Variants in INPP4B observed in about 807,000 individuals in gnomAD.
INPP4B encodes the protein inositol polyphosphate-4-phosphatase type II B.
Under a neutral mutation model 122.5 loss-of-function variants are expected in INPP4B, and 55 were observed. The observed-to-expected ratio is 0.45, with a 90% CI of 0.36 to 0.56. INPP4B has a LOEUF of 0.56. Among genes scored for constraint, INPP4B ranks in the 20% least tolerant of loss-of-function variants. INPP4B has a pLI of 0.00. For missense variants in INPP4B, 1,000 were observed against 1,097.7 expected (o/e 0.91, Z 1.26); for synonymous variants, 403 against 388.7 (o/e 1.04, Z -0.43).
At chr4:142,828,112 A>G (rs1226963277) in intron 1 of INPP4B, among the ~76,000 whole-genome samples, 1 of 152,146 alleles carries the variant, frequency 6.6e-6, no homozygotes, top group Admixed American at 6.6e-5. Flanking sequence ...TTGCCATAAC[A>G]TATACAATGC....
intron 25 of INPP4B, among the ~76,000 whole-genome samples, chr4:142,041,345 C>A (rs186656097): frequency 6.6e-6 from 1 of 152,042 alleles, no homozygotes; most frequent in African/African-American, 2.4e-5. Context: ...TTGCCAGGTA[C>A]GGTGGCTTAT....
chr4:142,491,827 GC>G (rs1821920462), intron 2 of INPP4B, among the ~76,000 whole-genome samples: 1 of 152,186 alleles, frequency 6.6e-6, no homozygotes. Flanking sequence ...TGCCAAAAAG[GC>G]AAAAGGTAAC....
At position 142,832,274 on chromosome 4, in the gene INPP4B, C is replaced by G. The variant is rs189126823; in HGVS notation, c.-254+13935G>C. On this transcript the variant is annotated intron_variant, in intron 1 of 25. Transcript: ENST00000262992. ...TCTCATGAAAAGCAACAGATGTTTC[C>G]TTCCAACTATAATGTGTTTTAGACC... 2.9e-4 allele frequency among the ~76,000 whole-genome samples: 44 copies of G among 152,130 alleles called. No individual in the cohort carries two copies. In the East Asian group the frequency reaches 7.7e-3, roughly 27 times the overall value.
At chr4:142,651,293 A>G (rs1752914692) in intron 2 of INPP4B, among the ~76,000 whole-genome samples, 1 of 152,216 alleles carries the variant, frequency 6.6e-6, no homozygotes, top group Non-Finnish European at 1.5e-5. Context: ...TTGACAGCTA[A>G]CATCAAAATT....
chr4:142,675,299 G>A (rs1268910540), intron 2 of INPP4B, among the ~76,000 whole-genome samples: 1 of 152,104 alleles, frequency 6.6e-6, no homozygotes, highest in Non-Finnish European at 1.5e-5. Context: ...TATAAACTAG[G>A]AAGAAGGCGA....
chr4:142,733,786 G>A (rs770009347), intron 1 of INPP4B, among the ~76,000 whole-genome samples: 2 of 152,062 alleles, frequency 1.3e-5, no homozygotes, highest in Admixed American at 1.3e-4. Context: ...TGAATATTAT[G>A]TACAACAATA....
Position 142,451,308 on chromosome 4 carries a change from T to C in INPP4B, c.-127+11355A>G, listed in dbSNP as rs1272516343. ...CTCTGTCTCCCAGGCTGTAGTGCAG[T>C]GGCATGATCACGACTCACTGCAATC... is the stretch of plus-strand genomic sequence containing the variant. On this transcript the variant is annotated intron_variant, in intron 3 of 25. Coordinates refer to ENST00000262992, the MANE Select transcript of INPP4B (RefSeq NM_001101669.3). Among the ~76,000 whole-genome samples the C allele has an allele frequency of 7.0e-5, 10 of 143,662 alleles. No homozygotes were observed. The Admixed American group carries it at 7.4e-4, about 11-fold the overall frequency. The allele number at this position is 143,662 out of a possible 152,430, so 94.2% of individuals were successfully genotyped here.
intron 2 of INPP4B, among the ~76,000 whole-genome samples, chr4:142,702,008 A>G (rs1278270364): frequency 6.6e-6 from 1 of 152,178 alleles, no homozygotes; most frequent in Non-Finnish European, 1.5e-5. Context: ...AGACTACTGG[A>G]AAGAGTTAGG....
intron 7 of INPP4B, among the ~76,000 whole-genome samples, chr4:142,326,049 A>G (rs773207002): frequency 2.0e-5 from 3 of 152,238 alleles, no homozygotes; most frequent in Non-Finnish European, 2.9e-5. Flanking sequence ...TTTTGTTTTC[A>G]TGGAAGTCAA....
chr4:142,628,246 T>C (rs1026556583), intron 2 of INPP4B, among the ~76,000 whole-genome samples: 2 of 147,890 alleles, frequency 1.4e-5, no homozygotes, highest in African/African-American at 2.5e-5. Flanking sequence ...AAATGATGAG[T>C]TCATGTCCTT....
chr4:142,798,211 A>G (rs898820560), intron 1 of INPP4B, among the ~76,000 whole-genome samples: 4 of 151,888 alleles, frequency 2.6e-5, no homozygotes, highest in Admixed American at 2.6e-4. Context: ...ATAGAAAACT[A>G]TTTTTACACA....
chr4:142,805,781 G>C (rs1778602321), intron 1 of INPP4B, among the ~76,000 whole-genome samples: 1 of 152,072 alleles, frequency 6.6e-6, no homozygotes, highest in Admixed American at 6.6e-5. Context: ...TGTATTAGTT[G>C]ACTGTTTACC....
chr4:142,286,439 A>T (rs1376828912), intron 9 of INPP4B, among the ~76,000 whole-genome samples: 1 of 152,240 alleles, frequency 6.6e-6, no homozygotes, highest in East Asian at 1.9e-4. Flanking sequence ...TTATAGAATT[A>T]AAATTTCCAA....
At chr4:142,645,628 C>T (rs951507521) in intron 2 of INPP4B, among the ~76,000 whole-genome samples, 2 of 152,044 alleles carry the variant, frequency 1.3e-5, no homozygotes, top group African/African-American at 2.4e-5. Context: ...TTTTAGCCCA[C>T]GAGGCAGAAG....
intron 5 of INPP4B, among the ~76,000 whole-genome samples, chr4:142,414,203 T>C (rs1296513716): frequency 6.6e-6 from 1 of 152,096 alleles, no homozygotes; most frequent in Non-Finnish European, 1.5e-5. Flanking sequence ...AGTTTGTTAT[T>C]TTTTTTACCA....
intron 1 of INPP4B, among the ~76,000 whole-genome samples, chr4:142,771,001 G>T (rs1378527929): frequency 6.6e-6 from 1 of 152,162 alleles, no homozygotes; most frequent in Non-Finnish European, 1.5e-5. Flanking sequence ...TAGTTGGAAA[G>T]TGCGGGTAAC....
rs564618625 is a variant in INPP4B at position 142,719,653 on chromosome 4, A to G, written c.-191+6186T>C. On this transcript the variant is annotated intron_variant, in intron 2 of 25. Coordinates refer to ENST00000262992, the MANE Select transcript of INPP4B (RefSeq NM_001101669.3). ...ATTTTCTTATTAATTTCTGAAAAAA[A>G]TGAGATACTTTTACTAATTCTTAAA... Among the ~76,000 whole-genome samples the G allele has an allele frequency of 3.3e-5, 5 of 152,270 alleles. No homozygotes were observed. In the East Asian group the frequency reaches 9.7e-4, roughly 29 times the overall value.
intron 3 of INPP4B, among the ~76,000 whole-genome samples, chr4:142,449,713 G>C (rs1345730185): frequency 6.7e-6 from 1 of 148,950 alleles, no homozygotes; most frequent in Non-Finnish European, 1.5e-5. Context: ...AAAAAAAAAA[G>C]AAAGTACATT....
intron 2 of INPP4B, among the ~76,000 whole-genome samples, chr4:142,596,035 G>A (rs1367888039): frequency 1.3e-5 from 2 of 151,874 alleles, no homozygotes; most frequent in East Asian, 3.9e-4. Flanking sequence ...TTTTAGTAGA[G>A]ACAAGGTTCC....
Sources: gnomAD v4.1 joint callset for allele counts (sites outside exome capture counted in the v4.1 genomes callset) on GRCh38, gnomAD v4.1.1 for gene constraint, MANE v1.5 for transcripts, NCBI Gene and HGNC (gene_info 2026-07-23, HGNC 2026-07-21) for gene names.